The following TET2 variants were observed in gnomAD, a reference collection of about 807,000 sequenced individuals.
TET2 encodes methylcytosine dioxygenase TET2.
TET2 carries 299 observed loss-of-function variants against 142.9 expected under a neutral mutation model. The observed-to-expected ratio is 2.09, with a 90% CI of 1.90 to 2.30. The LOEUF is 2.30. Ranked by LOEUF, TET2 falls within the 30% of genes most tolerant of loss-of-function variation. The pLI, the probability that TET2 is intolerant of heterozygous loss-of-function variation, is 0.00. For synonymous variants in TET2, 819 were observed against 849.0 expected (o/e 0.96, Z 0.61); for missense variants, 2,418 against 2,378.0 (o/e 1.02, Z -0.35).
chr4:105,183,055 T>A (rs1309513882), intron 1 of TET2, among the ~76,000 whole-genome samples: 1 of 152,164 alleles, frequency 6.6e-6, no homozygotes, highest in African/African-American at 2.4e-5. Flanking sequence ...AAATCATTTT[T>A]AAAATATCTG....
At chr4:105,233,383 C>CAAAAAAAAAAAAA (rs34890297) in intron 2 of TET2, among the ~76,000 whole-genome samples, 1,552 of 76,100 alleles carry the variant, frequency 0.02, 410 homozygotes, top group African/African-American at 0.086. Flanking sequence ...GACTCCATCT[C>CAAAAAAAAAAAAA]AAAAAAAAAA....
In TET2 at chr4:105,272,724, G is replaced by A. The variant is rs1400772446; in HGVS notation, c.4343G>A (p.Ser1448Asn). ...KKRSGAIQVL[S>N]SFRRKVRMLA... ...CGGAGTGGTGCCATTCAGGTACTGA[G>A]TTCTTTTCGGCGAAAAGTCAGGATG... Residue 1448 changes from serine (S) to asparagine (N), a missense_variant, in exon 10 of 11, where the codon AGT (serine) becomes AAT (asparagine). Coordinates refer to ENST00000380013, the MANE Select transcript of TET2 (RefSeq NM_001127208.3). The A allele has an allele frequency of 6.4e-5, 99 of 1,551,596 alleles. No individual in the cohort carries two copies. The highest frequency in any genetic ancestry group is 8.3e-5 in the Non-Finnish European group (95 of 1,146,996).
intron 1 of TET2, among the ~76,000 whole-genome samples, chr4:105,168,527 C>T (rs1724279903): frequency 6.6e-6 from 1 of 152,104 alleles, no homozygotes. Flanking sequence ...CCTAACCATT[C>T]TATCTAACAG....
At chr4:105,175,542 G>C (rs1724734522) in intron 1 of TET2, among the ~76,000 whole-genome samples, 1 of 151,852 alleles carries the variant, frequency 6.6e-6, no homozygotes, top group Non-Finnish European at 1.5e-5. Context: ...AGAGAAAAAA[G>C]ACTGTGAAAA....
chr4:105,158,167 A>G (rs1467013767), intron 1 of TET2, among the ~76,000 whole-genome samples: 1 of 152,224 alleles, frequency 6.6e-6, no homozygotes, highest in Non-Finnish European at 1.5e-5. Context: ...AAGTGACTTT[A>G]AAGACACTTC....
At chr4:105,240,065 C>A in intron 3 of TET2, 1 of 236,022 alleles carries the variant, frequency 4.2e-6, no homozygotes, top group Non-Finnish European at 9.0e-6. Flanking sequence ...CGGTTTGTGG[C>A]ACCCCCCAAA....
chr4:105,252,573 T>C (rs776212424), intron 6 of TET2, among the ~76,000 whole-genome samples: 10 of 152,174 alleles, frequency 6.6e-5, no homozygotes, highest in African/African-American at 1.4e-4. Flanking sequence ...GTAAGAAATA[T>C]TTTTTCTCAG....
At chr4:105,247,622 G>A (rs954142594) in intron 6 of TET2, among the ~76,000 whole-genome samples, 1 of 115,264 alleles carries the variant, frequency 8.7e-6, no homozygotes, top group African/African-American at 4.1e-5. Flanking sequence ...GGATTTGGCC[G>A]ATTTCATCTT....
At position 105,260,470 on chromosome 4, in the gene TET2, A is replaced by G. The variant is rs374577219; in HGVS notation, c.3954+701A>G. ...ATAAACCCATCCTAAAGTAAAAAAA[A>G]AACGAAGCCATTATAGGTCAGGGAC... is the stretch of plus-strand genomic sequence containing the variant. On this transcript the variant is annotated intron_variant, in intron 7 of 10. Transcript: ENST00000380013. Among the ~76,000 whole-genome samples, 44 of 152,128 alleles carry G rather than the reference A, an allele frequency of 2.9e-4. No individual in the cohort carries two copies. The East Asian group carries it at 7.7e-3, about 27-fold the overall frequency.
rs753147592 is a variant in TET2, at chr4:105,234,822, G to A, written c.880G>A (p.Glu294Lys). ...LPPKPAAVVSEACDADDADNA... is the reference protein window; with the variant it reads ...LPPKPAAVVSKACDADDADNA... ...TCCAAAGCCAGCTGCAGTGGTGAGT[G>A]AGGCCTGTGATGCTGATGATGCTGA... is the stretch of plus-strand genomic sequence containing the variant. Residue 294 changes from glutamate (E) to lysine (K), a missense_variant, in exon 3 of 11, where the codon GAG (glutamate) becomes AAG (lysine). Glu to Lys is a moderately conservative substitution (Grantham distance 56). Transcript: ENST00000380013. The A allele has an allele frequency of 1.2e-6, 2 of 1,614,026 alleles. No homozygotes were observed. Among genetic ancestry groups the A allele is most frequent in the South Asian group, 2.2e-5 (2 of 91,072 alleles).
Position 105,233,986 on chromosome 4 carries a change from G to A in TET2, c.44G>A (p.Ser15Asn), listed in dbSNP as rs1436240000. 3 of 1,614,060 alleles carry A rather than the reference G, an allele frequency of 1.9e-6. No homozygotes were observed. In the Admixed American group the frequency reaches 5.0e-5, roughly 27 times the overall value. Residue 15 changes from serine to asparagine, a missense_variant, in exon 3 of 11, where the codon AGT (serine) becomes AAT (asparagine). Coordinates refer to ENST00000380013, the MANE Select transcript of TET2 (RefSeq NM_001127208.3). ...AACCATGTTGAGGGCAACAGACTAA[G>A]TCCATTCCTGATACCATCACCTCCC... is the stretch of plus-strand genomic sequence containing the variant. ...RTNHVEGNRL[S>N]PFLIPSPPIC... is the part of the protein sequence containing the mutation.
intron 1 of TET2, among the ~76,000 whole-genome samples, chr4:105,177,392 A>G (rs1466002924): frequency 2.0e-5 from 3 of 152,246 alleles, no homozygotes; most frequent in Non-Finnish European, 2.9e-5. Context: ...ATAAAGGACT[A>G]TTGTTCACAA....
At chr4:105,148,463 TA>T (rs1723144279) in intron 1 of TET2, among the ~76,000 whole-genome samples, 1 of 152,238 alleles carries the variant, frequency 6.6e-6, no homozygotes, top group Non-Finnish European at 1.5e-5. Flanking sequence ...TCAGGGATTA[TA>T]ATGGGAAACC....
intron 1 of TET2, among the ~76,000 whole-genome samples, chr4:105,176,358 G>C (rs1168966335): frequency 6.6e-6 from 1 of 152,096 alleles, no homozygotes; most frequent in Admixed American, 6.5e-5. Flanking sequence ...AACTGTCTTT[G>C]TTCACGGATG....
chr4:105,237,898 A>T, intron 3 of TET2: 1 of 1,039,634 alleles, frequency 9.6e-7, no homozygotes, highest in Non-Finnish European at 1.2e-6. Context: ...CTCCATTTAT[A>T]CATTTGGAAT....
chr4:105,235,994 AC>A lies in TET2; in HGVS notation c.2053del (p.Gln685LysfsTer15). The A allele has an allele frequency of 6.2e-7, 1 of 1,614,198 alleles. No individual in the cohort carries two copies. The highest frequency in any genetic ancestry group is 8.5e-7 in the Non-Finnish European group (1 of 1,180,022). On this transcript the variant is annotated frameshift_variant, in exon 3 of 11. Transcript: ENST00000380013. LOFTEE classifies it high-confidence loss of function. ...TGTGTGGCACTAGATTTCATTTTCA[AC>A]AAAGAGCAGATTCCCAAACTGAAAA... Reference protein sequence around the residue: ...SLCGTRFHFQQRADSQTEKLM... With the variant: ...SLCGTRFHFQXRADSQTEKLM...
At chr4:105,166,775 G>A (rs901333359) in intron 1 of TET2, among the ~76,000 whole-genome samples, 32 of 152,108 alleles carry the variant, frequency 2.1e-4, no homozygotes, top group Admixed American at 1.9e-3. Context: ...TTGGTACGTT[G>A]TTACCCTTCA....
intron 1 of TET2, among the ~76,000 whole-genome samples, chr4:105,174,219 T>G (rs899843657): frequency 1.3e-5 from 2 of 152,166 alleles, no homozygotes; most frequent in African/African-American, 2.4e-5. Flanking sequence ...TTAAAAGATA[T>G]TTTATCACTG....
chr4:105,272,557 C>T lies in TET2; in HGVS notation c.4183-7C>T. On this transcript the variant is annotated splice_region_variant and splice_polypyrimidine_tract_variant and intron_variant, in intron 9 of 10. Transcript: ENST00000380013. Reference sequence around the variant, plus strand: ...GTTGAGGCTGTAATGTCTTACTTCCCTACCAGGTATGCACTCTCACTAGAG... The same window carrying T: ...GTTGAGGCTGTAATGTCTTACTTCCTTACCAGGTATGCACTCTCACTAGAG... 2.0e-6 allele frequency: 3 copies of T among 1,495,216 alleles called. No homozygotes were observed. Among genetic ancestry groups the T allele is most frequent in the Non-Finnish European group, 2.7e-6 (3 of 1,121,052 alleles). The allele number at this position is 1,495,216 out of a possible 1,614,324, so 92.6% of individuals were successfully genotyped here. A position where few individuals can be genotyped will look rare whatever the true frequency, so the allele number is the denominator to read the frequency against.
Sources: allele counts gnomAD v4.1 joint callset (sites outside exome capture counted in the v4.1 genomes callset), GRCh38; gene constraint gnomAD v4.1.1; transcripts MANE v1.5; gene names NCBI Gene and HGNC (gene_info 2026-07-23, HGNC 2026-07-21).